Variants in CDC25A observed in about 807,000 individuals in gnomAD.
CDC25A encodes the protein M-phase inducer phosphatase 1.
Under a neutral mutation model 64.6 loss-of-function variants are expected in CDC25A, and 17 were observed. That is an observed-to-expected ratio of 0.26 (90% CI 0.18 to 0.39). The LOEUF is 0.39. CDC25A is among the 10% of genes least tolerant of loss of function. The pLI is 1.00. For synonymous variants in CDC25A, 229 were observed against 238.6 expected (o/e 0.96, Z 0.37); for missense variants, 473 against 654.8 (o/e 0.72, Z 3.03).
chr3:48,178,053 T>C (rs1048284998), intron 6 of CDC25A, 65 bp from the exon 7 acceptor site: 5 of 1,461,322 alleles, frequency 3.4e-6, no homozygotes, highest in Non-Finnish European at 4.7e-6. Context: ...CTTGAATGGG[T>C]CACTAGTTTT....
intron 9 of CDC25A, among the ~76,000 whole-genome samples, chr3:48,173,209 CAAA>C (rs35936117): frequency 9.2e-5 from 5 of 54,500 alleles, no homozygotes; most frequent in Non-Finnish European, 8.3e-5. Flanking sequence ...CAGAGCGTCT[CAAA>C]AAAAAAAAAA....
In CDC25A at chr3:48,159,101, A is replaced by T. The variant is rs780805604; in HGVS notation, c.1435-16T>A. 5.6e-6 allele frequency: 9 copies of T among 1,613,532 alleles called. No homozygotes were observed. In the Admixed American group the frequency reaches 1.5e-4, roughly 27 times the overall value. ...CACAGTAAGACTGAGGGGACAGGAG[A>T]GAATAAGGTTAGGGTACACCTGCCT... is the stretch of plus-strand genomic sequence containing the variant. On this transcript the variant is annotated splice_polypyrimidine_tract_variant and intron_variant, in intron 14 of 14. Coordinates refer to ENST00000302506, the MANE Select transcript of CDC25A (RefSeq NM_001789.3).
Position 48,174,448 on chromosome 3 carries a change from A to G in CDC25A, c.766T>C (p.Cys256Arg). 1 of 1,609,212 alleles carries G rather than the reference A, an allele frequency of 6.2e-7. No individual in the cohort carries two copies. The highest frequency in any genetic ancestry group is 1.1e-5 in the South Asian group (1 of 89,790). ...AGGGAAGGGGAGTCAAACAGCTTGC[A>G]TCGGTTGTCCTTACAGGAAAAAAAA... ...VMRTTNLDNR[C>R]KLFDSPSLCS... Residue 256 changes from cysteine to arginine, a missense_variant, in exon 9 of 15, where the codon TGC becomes CGC. Cys to Arg is a radical substitution (Grantham distance 180, BLOSUM62 -3). Coordinates refer to ENST00000302506, the MANE Select transcript of CDC25A (RefSeq NM_001789.3).
rs528817930 is a variant in CDC25A, at chr3:48,167,689, G to A, written c.1029+157C>T. Among the ~76,000 whole-genome samples, 16 of 152,292 alleles carry A rather than the reference G, an allele frequency of 1.1e-4. No individual in the cohort carries two copies. The South Asian group carries it at 3.3e-3, about 32-fold the overall frequency. On this transcript the variant is annotated intron_variant, in intron 10 of 14. Coordinates refer to ENST00000302506, the MANE Select transcript of CDC25A (RefSeq NM_001789.3). ...CAGAAACCAACATATACCTGATCAT[G>A]AGAAACTAAGTTTGCTTCCCTACCT...
At chr3:48,161,829 G>A (rs946659694) in intron 13 of CDC25A, among the ~76,000 whole-genome samples, 2 of 152,192 alleles carry the variant, frequency 1.3e-5, no homozygotes, top group African/African-American at 4.8e-5. Flanking sequence ...GGGAGGCTGA[G>A]GCGGGTAGAT....
chr3:48,164,939 C>T (rs2031939646), intron 12 of CDC25A, among the ~76,000 whole-genome samples: 1 of 149,352 alleles, frequency 6.7e-6, no homozygotes, highest in African/African-American at 2.5e-5. Context: ...GAAACCCCGT[C>T]TCTACTAAAA....
intron 6 of CDC25A, among the ~76,000 whole-genome samples, chr3:48,179,990 T>C (rs912767820): frequency 6.6e-6 from 1 of 152,150 alleles, no homozygotes; most frequent in African/African-American, 2.4e-5. Context: ...GCAGGAAACT[T>C]TGGAAGTAAT....
intron 9 of CDC25A, among the ~76,000 whole-genome samples, chr3:48,169,222 C>T (rs1412674412): frequency 6.6e-6 from 1 of 152,166 alleles, no homozygotes; most frequent in African/African-American, 2.4e-5. Context: ...GTAAGTTTCT[C>T]TTTATAGATA....
At chr3:48,185,528 C>A (rs2032816310) in intron 2 of CDC25A, among the ~76,000 whole-genome samples, 1 of 151,792 alleles carries the variant, frequency 6.6e-6, no homozygotes, top group African/African-American at 2.4e-5. Context: ...GTTTGAGACC[C>A]ACACCTGTAA....
intron 13 of CDC25A, among the ~76,000 whole-genome samples, chr3:48,163,610 A>G (rs1427547465): frequency 1.3e-5 from 2 of 152,240 alleles, no homozygotes; most frequent in East Asian, 3.8e-4. Context: ...GTCAAAAAAA[A>G]AAAATTGAAA....
intron 13 of CDC25A, among the ~76,000 whole-genome samples, chr3:48,160,275 T>C (rs2031695468): frequency 6.6e-6 from 1 of 151,860 alleles, no homozygotes; most frequent in African/African-American, 2.4e-5. Context: ...ACCGCCCAGC[T>C]GATTTTTGTA....
intron 2 of CDC25A, 131 bp downstream of exon 2, chr3:48,186,569 CAAA>C (rs750148404): frequency 9.1e-3 from 3,434 of 378,208 alleles, no homozygotes; most frequent in South Asian, 0.012. Context: ...AACTCTGTCT[CAAA>C]AAAAAAAAAA....
chr3:48,159,368 G>A lies in CDC25A; in HGVS notation c.1410C>T (p.Tyr470=), dbSNP rs999815050. 1.2e-6 allele frequency: 2 copies of A among 1,613,276 alleles called. No homozygotes were observed. The highest frequency in any genetic ancestry group is 1.7e-5 in the Admixed American group (1 of 59,956). Residue 470 remains tyrosine (Y), a synonymous_variant, in exon 14 of 15, where the codon TAC becomes TAT. Coordinates refer to ENST00000302506, the MANE Select transcript of CDC25A (RefSeq NM_001789.3). The part of the protein sequence containing the change: ...YPELYVLKGG[Y]KEFFMKCQSY... ...CCTGGCATTTCATAAAGAACTCCTT[G>A]TATCCCCCCTTCAGGACATACAGCT...
chr3:48,184,669 A>G lies in CDC25A; in HGVS notation c.274T>C (p.Leu92=), dbSNP rs1575274201. 1 of 1,593,298 alleles carries G rather than the reference A, an allele frequency of 6.3e-7. No homozygotes were observed. Among genetic ancestry groups the G allele is most frequent in the South Asian group, 1.2e-5 (1 of 86,020 alleles). The part of the protein sequence containing the change: ...SGFCLDSPGP[L]DSKENLENPM... ...AATACATACTTTTCTTTACTGTCCA[A>G]TGGCCCAGGAGAATCTAGACAGAAA... Residue 92 remains leucine, a synonymous_variant, in exon 3 of 15, where the codon TTG becomes CTG. Coordinates refer to ENST00000302506, the MANE Select transcript of CDC25A (RefSeq NM_001789.3).
At chr3:48,160,935 C>T (rs945290505) in intron 13 of CDC25A, among the ~76,000 whole-genome samples, 5 of 151,576 alleles carry the variant, frequency 3.3e-5, no homozygotes, top group Non-Finnish European at 7.4e-5. Flanking sequence ...CGGTGGATCA[C>T]GAGGTCAGGA....
At chr3:48,167,468 C>A (rs774405063) in intron 10 of CDC25A, among the ~76,000 whole-genome samples, 2 of 152,172 alleles carry the variant, frequency 1.3e-5, no homozygotes, top group Non-Finnish European at 2.9e-5. Flanking sequence ...CAATCCCAGA[C>A]CTTCTAAGAT....
intron 6 of CDC25A, among the ~76,000 whole-genome samples, chr3:48,179,743 C>T (rs931352473): frequency 2.0e-5 from 3 of 152,136 alleles, no homozygotes; most frequent in African/African-American, 7.2e-5. Context: ...TGGTACTTTC[C>T]TAATCTGTTC....
rs1387511640 is a variant in CDC25A, at chr3:48,187,966, A to G, written c.-19T>C. 28 of 1,459,170 alleles carry G rather than the reference A, an allele frequency of 1.9e-5. No homozygotes were observed. Among genetic ancestry groups the G allele is most frequent in the Non-Finnish European group, 2.2e-5 (25 of 1,111,504 alleles). 90.4% of individuals were successfully genotyped at this position (1,459,170 alleles called of 1,614,324 possible). ...GTTCCATGGCGGCGCCCGGCCTCGC[A>G]GAGCTCCCGCTCCCTCTTCCTCTGC... On this transcript the variant is annotated 5_prime_UTR_variant, in exon 1 of 15. Coordinates refer to ENST00000302506, the MANE Select transcript of CDC25A (RefSeq NM_001789.3).
In CDC25A at chr3:48,159,516, G is replaced by A. The variant is rs1023531328; in HGVS notation, c.1323-61C>T. ...TTTTCCAGCACAGCAACAAGGCAAC[G>A]CAGTCAAAGCAGCAGTTGTGGTCTA... On this transcript the variant is annotated intron_variant, in intron 13 of 14. Transcript: ENST00000302506. The A allele has an allele frequency of 2.8e-5, 30 of 1,068,830 alleles. No homozygotes were observed. In the Middle Eastern group the frequency reaches 7.2e-4, roughly 26 times the overall value. 66.2% of individuals were successfully genotyped at this position (1,068,830 alleles called of 1,614,324 possible).
Sources: gnomAD v4.1 joint callset for allele counts (sites outside exome capture counted in the v4.1 genomes callset) on GRCh38, gnomAD v4.1.1 for gene constraint, MANE v1.5 for transcripts, NCBI Gene and HGNC (gene_info 2026-07-23, HGNC 2026-07-21) for gene names.